Variants in RAPGEF5 observed in about 807,000 individuals in gnomAD.
The protein encoded by RAPGEF5 is Rap guanine nucleotide exchange factor 5, also known as M-Ras-regulated GEF.
RAPGEF5 carries 65 observed loss-of-function variants against 125.2 expected under a neutral mutation model. The observed-to-expected ratio is 0.52, with a 90% CI of 0.43 to 0.64. The LOEUF (loss-of-function observed/expected upper bound fraction) is 0.64. RAPGEF5 is among the 30% of genes least tolerant of loss of function. The pLI is 0.00. For synonymous variants in RAPGEF5, 391 were observed against 385.9 expected (o/e 1.01, Z -0.16); for missense variants, 958 against 1,048.1 (o/e 0.91, Z 1.19).
intron 20 of RAPGEF5, among the ~76,000 whole-genome samples, chr7:22,141,541 G>C (rs1783260754): frequency 6.6e-6 from 1 of 152,220 alleles, no homozygotes; most frequent in Non-Finnish European, 1.5e-5. Context: ...GGTACTGCCT[G>C]AGTCCAGCTA....
chr7:22,356,617 G>C lies in RAPGEF5; in HGVS notation c.231+213C>G, dbSNP rs3213677. ...GGGGTTAAGTCAGGTGCAGCCTGGT[G>C]GGGGGGAGGTGTGGGGGCGGGGGAA... On this transcript the variant is annotated intron_variant, in intron 1 of 25. Transcript: ENST00000665637. 9.1e-3 allele frequency: 1,844 copies of C among 201,808 alleles called. 45 individuals carry two copies. The highest frequency in any genetic ancestry group is 0.065 in the East Asian group (592 of 9,098). 12.5% of individuals were successfully genotyped at this position (201,808 alleles called of 1,614,324 possible).
intron 1 of RAPGEF5, among the ~76,000 whole-genome samples, chr7:22,345,740 C>A (rs2128387980): frequency 7.2e-6 from 1 of 138,250 alleles, no homozygotes; most frequent in Non-Finnish European, 1.5e-5. Flanking sequence ...GTGCCAAGAG[C>A]AGTGGGAAAT....
chr7:22,253,935 A>G (rs1366085392), intron 7 of RAPGEF5, among the ~76,000 whole-genome samples: 1 of 152,208 alleles, frequency 6.6e-6, no homozygotes, highest in African/African-American at 2.4e-5. Context: ...AATTTATAAG[A>G]CCATAAAAGC....
chr7:22,240,209 CAAAA>C (rs35460153), intron 7 of RAPGEF5, among the ~76,000 whole-genome samples: 1 of 78,916 alleles, frequency 1.3e-5, no homozygotes, highest in Non-Finnish European at 2.7e-5. Context: ...GACTCCACCT[CAAAA>C]AAAAAAAAAA....
chr7:22,248,355 A>G (rs957405610), intron 7 of RAPGEF5, among the ~76,000 whole-genome samples: 1 of 152,324 alleles, frequency 6.6e-6, no homozygotes, highest in African/African-American at 2.4e-5. Context: ...ATTTAGGTGC[A>G]AATGCTAAGC....
chr7:22,191,731 A>G, intron 11 of RAPGEF5: 1 of 462,394 alleles, frequency 2.2e-6, no homozygotes, highest in Non-Finnish European at 4.5e-6. Flanking sequence ...AGCAACAATA[A>G]TAAGGGTGAT....
At chr7:22,149,347 T>C (rs1479243994) in intron 18 of RAPGEF5, among the ~76,000 whole-genome samples, 2 of 152,212 alleles carry the variant, frequency 1.3e-5, no homozygotes, top group African/African-American at 4.8e-5. Flanking sequence ...TTCTCAATTA[T>C]ACATACAACA....
At position 22,177,780 on chromosome 7, in the gene RAPGEF5, G is replaced by A. The variant is rs888806703; in HGVS notation, c.1205-10632C>T. ...TCCTCAGCAAGATGATGTCTGAAGG[G>A]CCTAAGTCCCAGCCCTGGTTCTTTC... is the stretch of plus-strand genomic sequence containing the variant. On this transcript the variant is annotated intron_variant, in intron 11 of 25. Coordinates refer to ENST00000665637, the MANE Select transcript of RAPGEF5 (RefSeq NM_012294.5). Among the ~76,000 whole-genome samples the A allele has an allele frequency of 1.2e-4, 18 of 152,188 alleles. 1 individual carries two copies. The highest frequency in any genetic ancestry group is 3.4e-4 in the African/African-American group (14 of 41,446).
At chr7:22,304,476 T>A (rs147923688) in intron 5 of RAPGEF5, among the ~76,000 whole-genome samples, 36 of 152,374 alleles carry the variant, frequency 2.4e-4, no homozygotes, top group African/African-American at 7.7e-4. Context: ...TTGCAAATTT[T>A]AAAATTTTTC....
At chr7:22,267,150 G>A in intron 6 of RAPGEF5, 138 bp from the exon 7 acceptor site, 1 of 743,382 alleles carries the variant, frequency 1.3e-6, no homozygotes, top group Non-Finnish European at 2.1e-6. Context: ...GCACTTTTTT[G>A]ATTTTTGCTT....
chr7:22,296,701 T>A (rs1783070281), intron 5 of RAPGEF5, among the ~76,000 whole-genome samples: 1 of 152,204 alleles, frequency 6.6e-6, no homozygotes, highest in Non-Finnish European at 1.5e-5. Context: ...AATGGACTAT[T>A]CCTGGGTTGG....
intron 7 of RAPGEF5, among the ~76,000 whole-genome samples, chr7:22,253,580 C>T (rs1043347905): frequency 4.6e-5 from 7 of 152,024 alleles, no homozygotes; most frequent in Non-Finnish European, 1.5e-5. Flanking sequence ...CATTTTTTAG[C>T]GTAAACACTC....
At chr7:22,228,159 T>C (rs185720499) in intron 8 of RAPGEF5, among the ~76,000 whole-genome samples, 2 of 152,320 alleles carry the variant, frequency 1.3e-5, no homozygotes, top group Admixed American at 6.5e-5. Flanking sequence ...TTGCTTCACA[T>C]GTAGTCCTTT....
Position 22,310,082 on chromosome 7 carries a change from C to A in RAPGEF5, c.398G>T (p.Cys133Phe). 6.4e-7 allele frequency: 1 copy of A among 1,570,404 alleles called. No homozygotes were observed. Among genetic ancestry groups the A allele is most frequent in the Admixed American group, 2.0e-5 (1 of 49,768 alleles). Residue 133 changes from cysteine to phenylalanine, a missense_variant, in exon 4 of 26, where the codon TGC becomes TTC. Cys to Phe is a radical substitution (Grantham distance 205). Transcript: ENST00000665637. ...CCAGTCTACCAGCTCTGACCCAACG[C>A]AGCTCCTCCTGAACAAAAGCAAAGC... ...VNLKGFYRRS[C>F]VGSELVDWLL... is the part of the protein sequence containing the mutation.
chr7:22,126,027 G>A (rs781403873), intron 24 of RAPGEF5, among the ~76,000 whole-genome samples: 24 of 152,094 alleles, frequency 1.6e-4, no homozygotes, highest in Non-Finnish European at 3.1e-4. Flanking sequence ...GCAGGTGCTT[G>A]TAATCCCAGC....
chr7:22,177,364 G>A (rs1188865297), intron 11 of RAPGEF5, among the ~76,000 whole-genome samples: 2 of 152,198 alleles, frequency 1.3e-5, no homozygotes, highest in African/African-American at 2.4e-5. Flanking sequence ...GTAAGTGCCA[G>A]GATGCTGAAG....
At chr7:22,340,969 C>T (rs139448388) in intron 1 of RAPGEF5, among the ~76,000 whole-genome samples, 1 of 152,208 alleles carries the variant, frequency 6.6e-6, no homozygotes, top group Non-Finnish European at 1.5e-5. Flanking sequence ...CTGAGTAACA[C>T]GAGGTGACTT....
chr7:22,173,497 G>A (rs868415945), intron 11 of RAPGEF5, among the ~76,000 whole-genome samples: 1 of 152,072 alleles, frequency 6.6e-6, no homozygotes, highest in South Asian at 2.1e-4. Context: ...CTTATTTAAC[G>A]CTGTTTATAT....
intron 8 of RAPGEF5, among the ~76,000 whole-genome samples, chr7:22,227,265 A>G (rs927842213): frequency 2.6e-5 from 4 of 152,126 alleles, no homozygotes; most frequent in African/African-American, 4.8e-5. Flanking sequence ...GCAAACTCGA[A>G]TAATATCAAA....
Sources: allele counts gnomAD v4.1 joint callset (sites outside exome capture counted in the v4.1 genomes callset), GRCh38; gene constraint gnomAD v4.1.1; transcripts MANE v1.5; gene names NCBI Gene and HGNC (gene_info 2026-07-23, HGNC 2026-07-21).